The following IRX5 variants were observed in gnomAD, a reference collection of about 807,000 sequenced individuals.
IRX5 encodes iroquois homeobox 5.
A neutral mutation model predicts 37.6 loss-of-function variants in IRX5; 8 were observed. That is an observed-to-expected ratio of 0.21 (90% CI 0.12 to 0.38). The LOEUF (loss-of-function observed/expected upper bound fraction) is 0.38. Ranked by LOEUF, IRX5 falls within the 10% of genes least tolerant of loss-of-function variation. The probability of loss-of-function intolerance (pLI) is 1.00; values close to 1 mark genes in which losing one functional copy is unlikely to be tolerated. For synonymous variants in IRX5, 359 were observed against 328.6 expected (o/e 1.09, Z -1.00); for missense variants, 635 against 695.2 (o/e 0.91, Z 0.97).
Position 54,932,581 on chromosome 16 carries a change from C to T in IRX5, c.333C>T (p.Tyr111=), listed in dbSNP as rs912809925. Residue 111 remains tyrosine, a synonymous_variant, in exon 2 of 3, where the codon TAC becomes TAT. Coordinates refer to ENST00000394636, the MANE Select transcript of IRX5 (RefSeq NM_005853.6). The surrounding 1 kb of genome is among the most constrained non-coding windows in gnomAD (Gnocchi z 6.7). The part of the protein sequence containing the change: ...PYAAPLGSYP[Y]GDPAYRKNAT... ...CGGCGCCCCTGGGATCGTACCCTTA[C>T]GGGGACCCAGCGTACCGGAAGAACG... 3.1e-6 allele frequency: 5 copies of T among 1,613,978 alleles called. No homozygotes were observed. Among genetic ancestry groups the T allele is most frequent in the East Asian group, 2.2e-5 (1 of 44,850 alleles).
Position 54,932,293 on chromosome 16 carries a change from C to T in IRX5, c.250-205C>T. ...TCAGGGGCCCCAGAAGGACCTGACC[C>T]AGAAATTGAGGTCCCCGCTGCCTTC... On this transcript the variant is annotated intron_variant, in intron 1 of 2. Coordinates refer to ENST00000394636, the MANE Select transcript of IRX5 (RefSeq NM_005853.6). This position sits in a 1 kb window ranked among gnomAD's most constrained non-coding sequence, Gnocchi z 6.7. 2 of 678,278 alleles carry T rather than the reference C, an allele frequency of 2.9e-6. No homozygotes were observed. The highest frequency in any genetic ancestry group is 5.1e-6 in the Non-Finnish European group (2 of 391,908). The allele number at this position is 678,278 out of a possible 1,614,324, so 42.0% of individuals were successfully genotyped here.
rs2142352965 is a variant in IRX5 at position 54,932,088 on chromosome 16, C to G, written c.250-410C>G. ...AAAGAAAAAAAGAGCCTTGACTTCCCTTGTTTTCCCCCCTTGCGCCCAACG... is the reference window on the plus strand; with the variant it reads ...AAAGAAAAAAAGAGCCTTGACTTCCGTTGTTTTCCCCCCTTGCGCCCAACG... On this transcript the variant is annotated intron_variant, in intron 1 of 2. Transcript: ENST00000394636. This position sits in a 1 kb window ranked among gnomAD's most constrained non-coding sequence, Gnocchi z 6.7. 1 of 702,868 alleles carries G rather than the reference C, an allele frequency of 1.4e-6. No individual in the cohort carries two copies. 43.5% of individuals were successfully genotyped at this position (702,868 alleles called of 1,614,324 possible).
Position 54,933,817 on chromosome 16 carries a change from C to G in IRX5, c.1396C>G (p.Leu466Val), listed in dbSNP as rs776237743. The G allele has an allele frequency of 9.3e-6, 15 of 1,613,970 alleles. No individual in the cohort carries two copies. Among genetic ancestry groups the G allele is most frequent in the Non-Finnish European group, 1.2e-5 (14 of 1,179,940 alleles). ...DPKMLRSQSQ[L>V]DLCKDSPYEL... ...GAAAATGTTGCGGAGCCAGTCTCAGCTAGACCTGTGCAAAGACTCTCCCTA... is the reference window on the plus strand; with the variant it reads ...GAAAATGTTGCGGAGCCAGTCTCAGGTAGACCTGTGCAAAGACTCTCCCTA... The change falls in exon 3 of 3, where the codon CTA becomes GTA. Residue 466 changes from leucine (L) to valine (V), a missense_variant. This residue lies in a region of IRX5 where 188 missense variants were observed against 200.8 expected (regional missense o/e 0.94). Coordinates refer to ENST00000394636, the MANE Select transcript of IRX5 (RefSeq NM_005853.6).
rs1963930687 is a variant in IRX5 at position 54,933,525 on chromosome 16, G to C, written c.1104G>C (p.Gly368=). 6.2e-7 allele frequency: 1 copy of C among 1,609,144 alleles called. No individual in the cohort carries two copies. The highest frequency in any genetic ancestry group is 1.3e-5 in the African/African-American group (1 of 74,852). Residue 368 remains glycine, a synonymous_variant, in exon 3 of 3, where the codon GGG becomes GGC. Coordinates refer to ENST00000394636, the MANE Select transcript of IRX5 (RefSeq NM_005853.6). ...CACCGTGTCCCGGGCCCATAGCCGG[G>C]CAAGCCCTAGGAGGCAGCCGGGCGT... ...PCPPCPGPIA[G]QALGGSRASP...
Position 54,934,062 on chromosome 16 carries a change from A to G in IRX5, c.*189A>G, listed in dbSNP as rs371830279. On this transcript the variant is annotated 3_prime_UTR_variant, in exon 3 of 3. Coordinates refer to ENST00000394636, the MANE Select transcript of IRX5 (RefSeq NM_005853.6). ...TCCACACAAAAAAAAAAATGTCTTA[A>G]CCAACCGAAAAGAAAAATTAAAAAA... The G allele has an allele frequency of 1.2e-4, 59 of 480,004 alleles. No homozygotes were observed. Among genetic ancestry groups the G allele is most frequent in the African/African-American group, 1.0e-3 (51 of 50,726 alleles). 29.7% of individuals were successfully genotyped at this position (480,004 alleles called of 1,614,324 possible). A position where few individuals can be genotyped will look rare whatever the true frequency, so the allele number is the denominator to read the frequency against.
rs1220477556 is a variant in IRX5, at chr16:54,931,035, G to C, written c.-164G>C. Reference sequence around the variant, plus strand: ...CGGCGGTCGCAGCCGGAGGCGCGCGGGAAGCCAGCGAGGAGGCGCCGCGGG... The same window carrying C: ...CGGCGGTCGCAGCCGGAGGCGCGCGCGAAGCCAGCGAGGAGGCGCCGCGGG... On this transcript the variant is annotated 5_prime_UTR_variant, in exon 1 of 3. Transcript: ENST00000394636. 3.6e-6 allele frequency: 1 copy of C among 275,904 alleles called. No individual in the cohort carries two copies. The highest frequency in any genetic ancestry group is 5.5e-6 in the Non-Finnish European group (1 of 180,254). 17.1% of individuals were successfully genotyped at this position (275,904 alleles called of 1,614,324 possible).
In IRX5 at chr16:54,934,056, G is replaced by T; in HGVS notation, c.*183G>T. 2.0e-6 allele frequency: 1 copy of T among 497,834 alleles called. No homozygotes were observed. 30.8% of individuals were successfully genotyped at this position (497,834 alleles called of 1,614,324 possible). On this transcript the variant is annotated 3_prime_UTR_variant, in exon 3 of 3. Coordinates refer to ENST00000394636, the MANE Select transcript of IRX5 (RefSeq NM_005853.6). ...AACATCTCCACACAAAAAAAAAAATGTCTTAACCAACCGAAAAGAAAAATT... is the reference window on the plus strand; with the variant it reads ...AACATCTCCACACAAAAAAAAAAATTTCTTAACCAACCGAAAAGAAAAATT...
chr16:54,931,345 T>C lies in IRX5; in HGVS notation c.147T>C (p.Ala49=). The C allele has an allele frequency of 5.0e-6, 8 of 1,609,820 alleles. No homozygotes were observed. Among genetic ancestry groups the C allele is most frequent in the Non-Finnish European group, 6.8e-6 (8 of 1,179,546 alleles). Reference sequence around the variant, plus strand: ...CGGGCTCCGCGTTCTCGCCCTACGCTGGCTCGACTGCCTTCACGGCGCCCT... The same window carrying C: ...CGGGCTCCGCGTTCTCGCCCTACGCCGGCTCGACTGCCTTCACGGCGCCCT... The part of the protein sequence containing the change: ...SSSGSAFSPY[A]GSTAFTAPSP... Residue 49 remains alanine, a synonymous_variant, in exon 1 of 3, where the codon GCT becomes GCC. Coordinates refer to ENST00000394636, the MANE Select transcript of IRX5 (RefSeq NM_005853.6).
At position 54,933,870 on chromosome 16, in the gene IRX5, T is replaced by C. The variant is rs1330880536; in HGVS notation, c.1449T>C (p.Ile483=). The C allele has an allele frequency of 6.3e-7, 1 of 1,582,566 alleles. No individual in the cohort carries two copies. The highest frequency in any genetic ancestry group is 2.3e-5 in the East Asian group (1 of 43,980). Residue 483 remains isoleucine (I), a synonymous_variant, in exon 3 of 3, where the codon ATT becomes ATC. Coordinates refer to ENST00000394636, the MANE Select transcript of IRX5 (RefSeq NM_005853.6). ...PYELKKGMSD[I] ...AATTGAAGAAAGGTATGTCCGACAT[T>C]TAACGCGGGCTGCGTCGGTCCCGGA...
intron 1 of IRX5, among the ~76,000 whole-genome samples, chr16:54,931,824 C>T (rs1459048113): frequency 1.3e-5 from 2 of 152,204 alleles, no homozygotes; most frequent in Non-Finnish European, 2.9e-5. Flanking sequence ...CAGAAGCGTG[C>T]TAAGTCTATG....
In IRX5 at chr16:54,931,221, T is replaced by C; in HGVS notation, c.23T>C (p.Leu8Ser). Residue 8 changes from leucine (L) to serine (S), a missense_variant, in exon 1 of 3, where the codon TTG becomes TCG. By Grantham distance (145) the Leu-to-Ser change is moderately radical (BLOSUM62 -2). This residue lies in a region of IRX5 where 145 missense variants were observed against 152.4 expected (regional missense o/e 0.95). Coordinates refer to ENST00000394636, the MANE Select transcript of IRX5 (RefSeq NM_005853.6). The part of the protein sequence containing the change: MSYPQGY[L>S]YQPSASLALY... ...GCCATGTCCTATCCGCAGGGCTACT[T>C]GTACCAGCCGTCCGCCTCGCTGGCG... 6.2e-7 allele frequency: 1 copy of C among 1,610,808 alleles called. No individual in the cohort carries two copies. The highest frequency in any genetic ancestry group is 8.5e-7 in the Non-Finnish European group (1 of 1,179,002).
Position 54,932,521 on chromosome 16 carries a change from C to T in IRX5, c.273C>T (p.Pro91=). The part of the protein sequence containing the change: ...SYVGSPYDHT[P]GMAGSLGYHP... ...AGGGCTCTCCCTACGACCACACACC[C>T]GGCATGGCGGGCTCCTTGGGGTACC... The change falls in exon 2 of 3, where the codon CCC becomes CCT. Residue 91 remains proline (P), a synonymous_variant. Transcript: ENST00000394636. The surrounding 1 kb of genome is among the most constrained non-coding windows in gnomAD (Gnocchi z 6.7). The T allele has an allele frequency of 6.2e-7, 1 of 1,612,670 alleles. No homozygotes were observed. The highest frequency in any genetic ancestry group is 8.5e-7 in the Non-Finnish European group (1 of 1,179,224).
At position 54,932,476 on chromosome 16, in the gene IRX5, C is replaced by A. The variant is rs1567390500; in HGVS notation, c.250-22C>A. ...CAGTGGAGACCACGGTCCACACTCA[C>A]CTCTCTGCGTCTCCACCGCAGGGCT... On this transcript the variant is annotated intron_variant, in intron 1 of 2. Transcript: ENST00000394636. This position sits in a 1 kb window ranked among gnomAD's most constrained non-coding sequence, Gnocchi z 6.7. The A allele has an allele frequency of 6.3e-7, 1 of 1,590,930 alleles. No individual in the cohort carries two copies. The highest frequency in any genetic ancestry group is 1.1e-5 in the South Asian group (1 of 87,290).
chr16:54,932,979 G>A lies in IRX5; in HGVS notation c.655+76G>A. 1 of 1,592,846 alleles carries A rather than the reference G, an allele frequency of 6.3e-7. No homozygotes were observed. The highest frequency in any genetic ancestry group is 1.1e-5 in the South Asian group (1 of 88,280). ...GAGGCCTGGAGGGGGCGCGCACGGG[G>A]CCTGGAGGTTGGGGGCAGGGGTCCC... is the stretch of plus-strand genomic sequence containing the variant. On this transcript the variant is annotated intron_variant, in intron 2 of 2. Transcript: ENST00000394636. The surrounding 1 kb of genome is among the most constrained non-coding windows in gnomAD (Gnocchi z 6.7).
Position 54,933,456 on chromosome 16 carries a change from C to T in IRX5, c.1035C>T (p.Asp345=), listed in dbSNP as rs1963929147. ...WSLAEIATSS[D]KVKDGGGGNE... The stretch of plus-strand genomic sequence containing the variant: ...TGGCAGAGATCGCCACATCGTCGGA[C>T]AAGGTCAAGGACGGGGGCGGCGGGA... The change falls in exon 3 of 3, where the codon GAC becomes GAT. Residue 345 remains aspartate, a synonymous_variant. Coordinates refer to ENST00000394636, the MANE Select transcript of IRX5 (RefSeq NM_005853.6). 1 of 1,611,922 alleles carries T rather than the reference C, an allele frequency of 6.2e-7. No individual in the cohort carries two copies. Among genetic ancestry groups the T allele is most frequent in the Non-Finnish European group, 8.5e-7 (1 of 1,179,474 alleles).
intron 1 of IRX5, chr16:54,931,981 T>G (rs927823259): frequency 1.5e-6 from 1 of 659,114 alleles, no homozygotes; most frequent in African/African-American, 1.8e-5. Flanking sequence ...GGGTTGTAAC[T>G]TCGGTCTGGG....
intron 2 of IRX5, 26 bp from the exon 3 acceptor site, chr16:54,933,051 C>T (rs199651215): frequency 2.5e-6 from 4 of 1,602,826 alleles, no homozygotes; most frequent in East Asian, 4.5e-5. Flanking sequence ...CCTCTGCGCC[C>T]CTGACAGCCT....
rs13334870 is a variant in IRX5 at position 54,930,964 on chromosome 16, A to G, written c.-235A>G. The G allele has an allele frequency of 0.74, 113,519 of 153,242 alleles. 42,618 individuals carry two copies. Among genetic ancestry groups the G allele is most frequent in the East Asian group, 0.98 (4,904 of 5,008 alleles). The allele number at this position is 153,242 out of a possible 1,614,324, so 9.5% of individuals were successfully genotyped here. A position where few individuals can be genotyped will look rare whatever the true frequency, so the allele number is the denominator to read the frequency against. Reference sequence around the variant, plus strand: ...GCAGCAAGGGAGGGGAGGGGAGGGGAAAAAAAGCCCAGCTGGGGCGAGCGA... The same window carrying G: ...GCAGCAAGGGAGGGGAGGGGAGGGGGAAAAAAGCCCAGCTGGGGCGAGCGA... On this transcript the variant is annotated 5_prime_UTR_variant, in exon 1 of 3. Coordinates refer to ENST00000394636, the MANE Select transcript of IRX5 (RefSeq NM_005853.6).
Position 54,932,132 on chromosome 16 carries a change from G to A in IRX5, c.250-366G>A, listed in dbSNP as rs1467883684. On this transcript the variant is annotated intron_variant, in intron 1 of 2. Coordinates refer to ENST00000394636, the MANE Select transcript of IRX5 (RefSeq NM_005853.6). The surrounding 1 kb of genome is among the most constrained non-coding windows in gnomAD (Gnocchi z 6.7). Reference sequence around the variant, plus strand: ...CCCAACGTGCGTCCGCTCCCCCGCCGAGCGCGGAGTCGCCTCAGTTGCCCA... The same window carrying A: ...CCCAACGTGCGTCCGCTCCCCCGCCAAGCGCGGAGTCGCCTCAGTTGCCCA... 3 of 702,788 alleles carry A rather than the reference G, an allele frequency of 4.3e-6. No homozygotes were observed. The highest frequency in any genetic ancestry group is 2.0e-5 in the Admixed American group (1 of 50,004). The allele number at this position is 702,788 out of a possible 1,614,324, so 43.5% of individuals were successfully genotyped here.
Sources: gnomAD v4.1 joint callset for allele counts (sites outside exome capture counted in the v4.1 genomes callset) on GRCh38, gnomAD v4.1.1 for gene constraint, gnomAD v4.1.1 regional missense constraint, Gnocchi (gnomAD v3.1) non-coding constraint, MANE v1.5 for transcripts, NCBI Gene and HGNC (gene_info 2026-07-23, HGNC 2026-07-21) for gene names.